Variants in PIK3CB observed in about 807,000 individuals in gnomAD.
PIK3CB encodes phosphatidylinositol 4,5-bisphosphate 3-kinase catalytic subunit beta isoform.
In PIK3CB, 39 loss-of-function variants were observed where a neutral mutation model predicts 136.8. That is an observed-to-expected ratio of 0.29 (90% CI 0.22 to 0.37). The LOEUF (loss-of-function observed/expected upper bound fraction) is 0.37. Among genes scored for constraint, PIK3CB ranks in the 10% least tolerant of loss-of-function variants. The pLI is 1.00. For synonymous variants in PIK3CB, 428 were observed against 436.6 expected (o/e 0.98, Z 0.25); for missense variants, 868 against 1,275.4 (o/e 0.68, Z 4.87).
chr3:138,716,142 G>A (rs2044601647), intron 8 of PIK3CB, among the ~76,000 whole-genome samples: 1 of 152,098 alleles, frequency 6.6e-6, no homozygotes, highest in South Asian at 2.1e-4. Flanking sequence ...CAAGTAACAG[G>A]TGTTACAAAG....
chr3:138,742,950 A>C (rs2045273977), intron 4 of PIK3CB, among the ~76,000 whole-genome samples, 169 bp from the exon 5 acceptor site: 1 of 152,210 alleles, frequency 6.6e-6, no homozygotes, highest in African/African-American at 2.4e-5. Flanking sequence ...AAAAACCCAG[A>C]TAAAACAATA....
intron 13 of PIK3CB, among the ~76,000 whole-genome samples, chr3:138,695,718 A>G (rs185754043): frequency 6.6e-6 from 1 of 152,052 alleles, no homozygotes; most frequent in Admixed American, 6.6e-5. Flanking sequence ...TTAAAATTTA[A>G]TTACTCTATT....
intron 11 of PIK3CB, among the ~76,000 whole-genome samples, chr3:138,705,102 C>A (rs1362695135): frequency 7.2e-6 from 1 of 138,350 alleles, no homozygotes; most frequent in Non-Finnish European, 1.5e-5. Flanking sequence ...AGACTAAAAT[C>A]TCTATCCCAA....
At chr3:138,787,477 C>A (rs1230517925) in intron 2 of PIK3CB, among the ~76,000 whole-genome samples, 1 of 151,994 alleles carries the variant, frequency 6.6e-6, no homozygotes, top group Non-Finnish European at 1.5e-5. Flanking sequence ...GATCATCTTT[C>A]AAAATTTCCA....
At chr3:138,831,509 C>T (rs960947613) in intron 1 of PIK3CB, among the ~76,000 whole-genome samples, 2 of 151,780 alleles carry the variant, frequency 1.3e-5, no homozygotes, top group South Asian at 2.1e-4. Context: ...TTGTTTGAAC[C>T]GGGGAGGCGG....
chr3:138,681,402 TCTATGG>T lies in PIK3CB; in HGVS notation c.2504+559_2504+564del, dbSNP rs2043778947. ...TTCACATCTTTTCCTTATGTTCACT[TCTATGG>T]GCTCTTTAAATATTTACCCCTTGTT... On this transcript the variant is annotated intron_variant, in intron 19 of 23. Coordinates refer to ENST00000674063, the MANE Select transcript of PIK3CB (RefSeq NM_006219.3). Among the ~76,000 whole-genome samples the T allele has an allele frequency of 2.0e-5, 3 of 152,338 alleles. No homozygotes were observed. The East Asian group carries it at 5.8e-4, about 29-fold the overall frequency.
intron 1 of PIK3CB, among the ~76,000 whole-genome samples, chr3:138,802,707 A>G (rs2046191396): frequency 6.6e-6 from 1 of 152,126 alleles, no homozygotes; most frequent in Non-Finnish European, 1.5e-5. Context: ...TAGGATCTCT[A>G]TCTATCATTT....
rs560650855 is a variant in PIK3CB at position 138,765,341 on chromosome 3, G to A, written c.-16-5982C>T. On this transcript the variant is annotated intron_variant, in intron 2 of 23. Transcript: ENST00000674063. ...CCAAAAAAAAAGAATCTGCTAGTAG[G>A]ACAATTATATTGGATATTAAAAATT... is the stretch of plus-strand genomic sequence containing the variant. 6.6e-5 allele frequency among the ~76,000 whole-genome samples: 10 copies of A among 152,030 alleles called. No individual in the cohort carries two copies. In the South Asian group the frequency reaches 2.1e-3, roughly 32 times the overall value.
intron 1 of PIK3CB, among the ~76,000 whole-genome samples, chr3:138,809,948 G>A (rs1440502450): frequency 6.6e-6 from 1 of 152,048 alleles, no homozygotes; most frequent in African/African-American, 2.4e-5. Context: ...CTAGGATGAG[G>A]TAAGAAATAC....
In PIK3CB at chr3:138,655,409, G is replaced by A. The variant is rs2043173905; in HGVS notation, c.3193C>T (p.Arg1065Trp). ...GATCGTTAAGATCTGTAGTCTTTCCGAACTGTGTGGGCCATCCAGTTCACT... is the reference window on the plus strand; with the variant it reads ...GATCGTTAAGATCTGTAGTCTTTCCAAACTGTGTGGGCCATCCAGTTCACT... ...TKVNWMAHTV[R>W]KDYRS Residue 1065 changes from arginine to tryptophan, a missense_variant, in exon 24 of 24, where the codon CGG (arginine) becomes TGG (tryptophan). Arg to Trp is a moderately radical substitution (Grantham distance 101). Coordinates refer to ENST00000674063, the MANE Select transcript of PIK3CB (RefSeq NM_006219.3). 4.3e-6 allele frequency: 7 copies of A among 1,614,092 alleles called. No homozygotes were observed. Among genetic ancestry groups the A allele is most frequent in the South Asian group, 1.1e-5 (1 of 91,076 alleles).
At chr3:138,814,836 T>C (rs940762831) in intron 1 of PIK3CB, among the ~76,000 whole-genome samples, 5 of 151,270 alleles carry the variant, frequency 3.3e-5, no homozygotes, top group African/African-American at 1.2e-4. Flanking sequence ...ACCCCATCTC[T>C]ACAAAAAATA....
chr3:138,818,663 C>G (rs1044744272), intron 1 of PIK3CB, among the ~76,000 whole-genome samples: 2 of 152,186 alleles, frequency 1.3e-5, no homozygotes, highest in Non-Finnish European at 2.9e-5. Flanking sequence ...TCCTCTCAGG[C>G]TAGAATGGCC....
chr3:138,821,114 G>A (rs925436425), intron 1 of PIK3CB, among the ~76,000 whole-genome samples: 4 of 150,610 alleles, frequency 2.7e-5, no homozygotes, highest in South Asian at 4.2e-4. Context: ...GTGAAACCCC[G>A]TCTGTACTAA....
rs114995877 is a variant in PIK3CB at position 138,658,772 on chromosome 3, C to T, written c.2797-937G>A. Among the ~76,000 whole-genome samples, 432 of 152,240 alleles carry T rather than the reference C, an allele frequency of 2.8e-3. 1 individual carries two copies. The highest frequency in any genetic ancestry group is 8.2e-3 in the African/African-American group (341 of 41,550). On this transcript the variant is annotated intron_variant, in intron 21 of 23. Transcript: ENST00000674063. ...ACCTTTTTTCCTTTAGAAAACTGTA[C>T]GCATGTATTCATTCATTCATTTAGC...
intron 14 of PIK3CB, among the ~76,000 whole-genome samples, chr3:138,694,476 A>G (rs1412233498): frequency 6.6e-6 from 1 of 152,060 alleles, no homozygotes; most frequent in East Asian, 1.9e-4. Context: ...TCCCTCTTTA[A>G]ATTTTGCTCT....
chr3:138,781,712 C>T (rs1467211953), intron 2 of PIK3CB, among the ~76,000 whole-genome samples: 1 of 152,080 alleles, frequency 6.6e-6, no homozygotes, highest in Non-Finnish European at 1.5e-5. Context: ...GCCTCGGCCT[C>T]GCAAAGTGCT....
At chr3:138,790,059 C>T (rs973213786) in intron 2 of PIK3CB, among the ~76,000 whole-genome samples, 3 of 152,048 alleles carry the variant, frequency 2.0e-5, no homozygotes, top group African/African-American at 4.8e-5. Flanking sequence ...AATATAATGC[C>T]AAGTGTAATA....
At chr3:138,694,335 C>G (rs1040128621) in intron 14 of PIK3CB, among the ~76,000 whole-genome samples, 1 of 151,986 alleles carries the variant, frequency 6.6e-6, no homozygotes, top group African/African-American at 2.4e-5. Flanking sequence ...AACAAGCTTC[C>G]CTTGCAGACT....
At chr3:138,681,485 T>C (rs2108478182) in intron 19 of PIK3CB, among the ~76,000 whole-genome samples, 2 of 152,322 alleles carry the variant, frequency 1.3e-5, no homozygotes, top group South Asian at 4.1e-4. Context: ...TATGTTTCCT[T>C]TTTTCTGTCA....
Sources: allele counts gnomAD v4.1 joint callset (sites outside exome capture counted in the v4.1 genomes callset), GRCh38; gene constraint gnomAD v4.1.1; transcripts MANE v1.5; gene names NCBI Gene and HGNC (gene_info 2026-07-23, HGNC 2026-07-21).